The following SHISA9 variants were observed in gnomAD, a reference collection of about 807,000 sequenced individuals.
The protein encoded by SHISA9 is shisa family member 9, also known as protein shisa-9.
SHISA9 carries 13 observed loss-of-function variants against 38.0 expected under a neutral mutation model. The observed-to-expected ratio is 0.34, with a 90% CI of 0.22 to 0.54. The LOEUF (loss-of-function observed/expected upper bound fraction) is 0.54, where lower values mean the gene tolerates loss of function less well. Among genes scored for constraint, SHISA9 ranks in the 20% least tolerant of loss-of-function variants. SHISA9 has a pLI of 0.91. For missense variants in SHISA9, 538 were observed against 575.8 expected (o/e 0.93, Z 0.67); for synonymous variants, 275 against 242.0 (o/e 1.14, Z -1.27).
intron 4 of SHISA9, among the ~76,000 whole-genome samples, chr16:13,218,494 G>A (rs1049766467): frequency 1.3e-5 from 2 of 152,186 alleles, no homozygotes; most frequent in African/African-American, 4.8e-5. Context: ...TTGAGCTGGG[G>A]CCACAGCTGG....
chr16:12,977,453 A>G (rs2072178484), intron 2 of SHISA9, among the ~76,000 whole-genome samples: 1 of 152,172 alleles, frequency 6.6e-6, no homozygotes, highest in Non-Finnish European at 1.5e-5. Flanking sequence ...TGACCCAGCA[A>G]TCCCATTACT....
At chr16:13,197,997 C>T (rs547784362) in intron 2 of SHISA9, among the ~76,000 whole-genome samples, 1 of 152,224 alleles carries the variant, frequency 6.6e-6, no homozygotes, top group Admixed American at 6.5e-5. Context: ...CCAGCCTGGC[C>T]AACATGGAGA....
chr16:13,055,573 A>G (rs1359291453), intron 2 of SHISA9, among the ~76,000 whole-genome samples: 1 of 152,200 alleles, frequency 6.6e-6, no homozygotes, highest in Non-Finnish European at 1.5e-5. Flanking sequence ...TTCCAGGAGC[A>G]CTGTAATGTA....
At chr16:12,992,005 C>T (rs963784582) in intron 2 of SHISA9, among the ~76,000 whole-genome samples, 1 of 152,024 alleles carries the variant, frequency 6.6e-6, no homozygotes, top group African/African-American at 2.4e-5. Flanking sequence ...GAAGGGTACC[C>T]AGCACATAGG....
chr16:12,946,509 G>C lies in SHISA9; in HGVS notation c.691+29694G>C, dbSNP rs151124813. On this transcript the variant is annotated intron_variant, in intron 2 of 4. Coordinates refer to ENST00000558583, the MANE Select transcript of SHISA9 (RefSeq NM_001145204.3). The stretch of plus-strand genomic sequence containing the variant: ...AGCAAGGAAGGAAGGTAGGGCAGGG[G>C]AACAGAGCCAAGCAAGGAGATAGTC... Among the ~76,000 whole-genome samples the C allele has an allele frequency of 1.6e-3, 245 of 152,318 alleles. 1 individual carries two copies. Among genetic ancestry groups the C allele is most frequent in the African/African-American group, 5.7e-3 (236 of 41,570 alleles).
the SHISA9 span, among the ~76,000 whole-genome samples, chr16:13,388,923 A>C: frequency 2.6e-5 from 4 of 152,148 alleles, no homozygotes; most frequent in Non-Finnish European, 5.9e-5. Context: ...TTTTATAGAC[A>C]TTATTTTTTG....
intron 2 of SHISA9, among the ~76,000 whole-genome samples, chr16:13,095,651 C>G (rs1395517076): frequency 6.6e-6 from 1 of 152,222 alleles, no homozygotes; most frequent in African/African-American, 2.4e-5. Context: ...GGGAGGATAG[C>G]ACATTCATTC....
intron 2 of SHISA9, among the ~76,000 whole-genome samples, chr16:13,089,174 T>G (rs898735205): frequency 6.6e-6 from 1 of 152,212 alleles, no homozygotes; most frequent in Admixed American, 6.5e-5. Flanking sequence ...GTGGATAAGC[T>G]TTTTGATGTG....
At chr16:13,342,956 G>A in the SHISA9 span, among the ~76,000 whole-genome samples, 2 of 152,092 alleles carry the variant, frequency 1.3e-5, no homozygotes, top group African/African-American at 4.8e-5. Flanking sequence ...TTGCTTTTCT[G>A]CTCTCAAAGA....
the SHISA9 span, among the ~76,000 whole-genome samples, chr16:13,255,161 A>G: frequency 6.6e-6 from 1 of 151,806 alleles, no homozygotes; most frequent in Non-Finnish European, 1.5e-5. Context: ...CTCTCTTGCT[A>G]TGGTTCTACT....
the SHISA9 span, among the ~76,000 whole-genome samples, chr16:13,295,982 A>G: frequency 6.6e-6 from 1 of 152,130 alleles, no homozygotes; most frequent in Non-Finnish European, 1.5e-5. Context: ...GACTCTGTAT[A>G]TGTCTATTAG....
At chr16:13,063,016 C>T (rs201133222) in intron 2 of SHISA9, among the ~76,000 whole-genome samples, 4,165 of 133,592 alleles carry the variant, frequency 0.031, 78 homozygotes, top group East Asian at 0.066. Context: ...CTTTTTTTTT[C>T]TTTTTTTTGA....
At chr16:13,340,730 T>C in the SHISA9 span, among the ~76,000 whole-genome samples, 3 of 152,210 alleles carry the variant, frequency 2.0e-5, no homozygotes, top group African/African-American at 7.2e-5. Context: ...CCTGCAAGGC[T>C]TTAACTCATG....
chr16:12,918,723 T>C (rs905438703), intron 2 of SHISA9, among the ~76,000 whole-genome samples: 1 of 152,212 alleles, frequency 6.6e-6, no homozygotes, highest in Non-Finnish European at 1.5e-5. Flanking sequence ...AAGTGTCTCA[T>C]AATAGTGTAC....
chr16:13,429,956 AAG>A, the SHISA9 span, among the ~76,000 whole-genome samples: 1 of 152,214 alleles, frequency 6.6e-6, no homozygotes, highest in Non-Finnish European at 1.5e-5. Flanking sequence ...TGAGTCTTAA[AAG>A]AGATAATTAA....
the SHISA9 span, among the ~76,000 whole-genome samples, chr16:13,358,572 C>T: frequency 1.3e-5 from 2 of 152,174 alleles, no homozygotes; most frequent in Admixed American, 6.5e-5. Flanking sequence ...CATTTCCTTC[C>T]CTTTCCTTTA....
intron 2 of SHISA9, among the ~76,000 whole-genome samples, chr16:12,936,041 T>C (rs2071528111): frequency 6.6e-6 from 1 of 152,026 alleles, no homozygotes; most frequent in East Asian, 1.9e-4. Flanking sequence ...GACTGACAAA[T>C]GGAAGGCTTA....
chr16:13,453,566 C>T, the SHISA9 span, among the ~76,000 whole-genome samples: 1 of 152,160 alleles, frequency 6.6e-6, no homozygotes, highest in African/African-American at 2.4e-5. Context: ...CCAAATTGCC[C>T]CAGACCAGGC....
At chr16:13,039,193 G>A (rs1021130273) in intron 2 of SHISA9, among the ~76,000 whole-genome samples, 3 of 152,284 alleles carry the variant, frequency 2.0e-5, no homozygotes, top group Admixed American at 1.3e-4. Flanking sequence ...ACAGGCATAA[G>A]CCACCGCGCC....
Sources: allele counts gnomAD v4.1 joint callset (sites outside exome capture counted in the v4.1 genomes callset), GRCh38; gene constraint gnomAD v4.1.1; transcripts MANE v1.5; gene names NCBI Gene and HGNC (gene_info 2026-07-23, HGNC 2026-07-21).